Variants in GABRR2 observed in about 807,000 individuals in gnomAD.
GABRR2 encodes the protein gamma-aminobutyric acid receptor subunit rho-2.
Under a neutral mutation model 47.0 loss-of-function variants are expected in GABRR2, and 36 were observed. The observed-to-expected ratio is 0.77, with a 90% CI of 0.59 to 1.01. GABRR2 has a LOEUF of 1.01. Ranked by LOEUF, GABRR2 falls within the 50% of genes least tolerant of loss-of-function variation. The pLI is 0.00. For missense variants in GABRR2, 587 were observed against 594.6 expected (o/e 0.99, Z 0.13); for synonymous variants, 204 against 227.5 (o/e 0.90, Z 0.93).
chr6:89,287,555 G>A (rs1043253010), intron 2 of GABRR2, among the ~76,000 whole-genome samples: 1 of 152,224 alleles, frequency 6.6e-6, no homozygotes. Flanking sequence ...CTCCATCGCC[G>A]CCTCGCACAC....
chr6:89,280,251 T>TACACAC (rs201349296), intron 2 of GABRR2, among the ~76,000 whole-genome samples: 2 of 102,996 alleles, frequency 1.9e-5, no homozygotes, highest in South Asian at 6.6e-4. Flanking sequence ...TATATATATA[T>TACACAC]ATACATACAT....
chr6:89,306,663 TTCTC>T (rs1767564289), intron 1 of GABRR2, among the ~76,000 whole-genome samples: 1 of 152,234 alleles, frequency 6.6e-6, no homozygotes, highest in African/African-American at 2.4e-5. Context: ...AAAGGAGTGA[TTCTC>T]TCTTCTTTCT....
At chr6:89,259,253 G>A (rs1195795765) in intron 8 of GABRR2, among the ~76,000 whole-genome samples, 1 of 152,070 alleles carries the variant, frequency 6.6e-6, no homozygotes, top group Non-Finnish European at 1.5e-5. Flanking sequence ...TTCCATCTAG[G>A]AAAGTGAAAT....
chr6:89,284,307 T>C (rs939842484), intron 2 of GABRR2, among the ~76,000 whole-genome samples: 13 of 152,164 alleles, frequency 8.5e-5, no homozygotes, highest in Admixed American at 6.6e-5. Context: ...TTGTGCACCT[T>C]ACATATATAT....
intron 2 of GABRR2, among the ~76,000 whole-genome samples, chr6:89,294,927 G>A (rs1774530511): frequency 6.6e-6 from 1 of 151,766 alleles, no homozygotes; most frequent in Non-Finnish European, 1.5e-5. Flanking sequence ...TGCTGAGAAT[G>A]ATGGTTTCCA....
intron 2 of GABRR2, among the ~76,000 whole-genome samples, chr6:89,289,248 G>A (rs1774394273): frequency 6.6e-6 from 1 of 152,182 alleles, no homozygotes; most frequent in Non-Finnish European, 1.5e-5. Flanking sequence ...AGTAAGCAGA[G>A]GAGGCAGTGG....
chr6:89,290,756 G>A (rs1280114474), intron 2 of GABRR2, among the ~76,000 whole-genome samples: 1 of 152,230 alleles, frequency 6.6e-6, no homozygotes, highest in Non-Finnish European at 1.5e-5. Context: ...AGGAGGATGA[G>A]GGGAATGGCT....
chr6:89,265,653 G>A lies in GABRR2; in HGVS notation c.849C>T (p.Phe283=), dbSNP rs1773874119. 1 of 1,614,102 alleles carries A rather than the reference G, an allele frequency of 6.2e-7. No individual in the cohort carries two copies. Among genetic ancestry groups the A allele is most frequent in the Admixed American group, 1.7e-5 (1 of 60,004 alleles). ...CAGGCACAGCTCTGCGGTCGATCCA[G>A]AAGGACACCCAGGACAGCATGACCA... ...TLMVMLSWVS[F]WIDRRAVPAR... The change falls in exon 7 of 9, where the codon TTC becomes TTT. Residue 283 remains phenylalanine, a synonymous_variant. Coordinates refer to ENST00000402938, the MANE Select transcript of GABRR2 (RefSeq NM_002043.5).
chr6:89,314,624 G>T (rs113831068), intron 1 of GABRR2, among the ~76,000 whole-genome samples: 4 of 152,086 alleles, frequency 2.6e-5, no homozygotes, highest in Non-Finnish European at 2.9e-5. Flanking sequence ...GACAACTCCC[G>T]TATGCATTTT....
intron 2 of GABRR2, among the ~76,000 whole-genome samples, chr6:89,292,746 G>GTATCTCTGA (rs1554198078): frequency 1.0e-4 from 9 of 89,252 alleles, no homozygotes; most frequent in East Asian, 5.8e-4. Context: ...ATATATAATC[G>GTATCTCTGA]TATATATCGT....
At chr6:89,274,642 G>A (rs953499746) in intron 2 of GABRR2, among the ~76,000 whole-genome samples, 14 of 152,066 alleles carry the variant, frequency 9.2e-5, no homozygotes, top group African/African-American at 3.4e-4. Context: ...CAAGGTGGGT[G>A]GATCATCTGA....
At chr6:89,292,452 G>A (rs1357863371) in intron 2 of GABRR2, among the ~76,000 whole-genome samples, 1 of 3,550 alleles carries the variant, frequency 2.8e-4, no homozygotes, top group East Asian at 8.3e-3. Context: ...GATATATATC[G>A]TATCTCTGAT....
intron 2 of GABRR2, among the ~76,000 whole-genome samples, chr6:89,273,071 G>A (rs895303115): frequency 3.9e-5 from 6 of 152,172 alleles, no homozygotes. Flanking sequence ...GTGAGGTTGG[G>A]TGACTATTTT....
chr6:89,275,743 A>G (rs9444683), intron 2 of GABRR2, among the ~76,000 whole-genome samples: 90,043 of 152,048 alleles, frequency 0.59, 26,711 homozygotes, highest in East Asian at 0.7. Context: ...GATGACTTCA[A>G]GGGGCTGTGG....
At chr6:89,311,856 A>G (rs372558034) in intron 1 of GABRR2, among the ~76,000 whole-genome samples, 21 of 152,332 alleles carry the variant, frequency 1.4e-4, no homozygotes, top group African/African-American at 5.1e-4. Context: ...ATGGCCACAT[A>G]CGCTAGATGG....
At chr6:89,268,959 A>G in intron 4 of GABRR2, 52 bp downstream of exon 4, 1 of 1,533,054 alleles carries the variant, frequency 6.5e-7, no homozygotes, top group South Asian at 1.1e-5. Context: ...GGGCCTGACC[A>G]CACATACCAG....
intron 1 of GABRR2, among the ~76,000 whole-genome samples, chr6:89,312,075 G>A (rs1767690929): frequency 6.6e-6 from 1 of 152,184 alleles, no homozygotes; most frequent in African/African-American, 2.4e-5. Context: ...AGCTACAGAG[G>A]GGGCTCCACG....
chr6:89,290,519 G>A (rs1001541478), intron 2 of GABRR2, among the ~76,000 whole-genome samples: 3 of 152,224 alleles, frequency 2.0e-5, no homozygotes, highest in Non-Finnish European at 2.9e-5. Context: ...GTGATTCTGG[G>A]GCCCAGTGCC....
At chr6:89,258,223 G>C (rs1480308658) in intron 8 of GABRR2, among the ~76,000 whole-genome samples, 3 of 152,142 alleles carry the variant, frequency 2.0e-5, no homozygotes, top group South Asian at 4.1e-4. Context: ...AAAATTCCCA[G>C]GTGATTCTAC....
Sources: gnomAD v4.1 joint callset for allele counts (sites outside exome capture counted in the v4.1 genomes callset) on GRCh38, gnomAD v4.1.1 for gene constraint, MANE v1.5 for transcripts, NCBI Gene and HGNC (gene_info 2026-07-23, HGNC 2026-07-21) for gene names.